Variants in COL4A3 observed in about 807,000 individuals in gnomAD.
COL4A3 encodes the protein collagen alpha-3(IV) chain.
Under a neutral mutation model 217.4 loss-of-function variants are expected in COL4A3, and 135 were observed. The observed-to-expected ratio is 0.62, with a 90% CI of 0.54 to 0.72. COL4A3 has a LOEUF of 0.72. Ranked by LOEUF, COL4A3 falls within the 30% of genes least tolerant of loss-of-function variation. The pLI is 0.00. For synonymous variants in COL4A3, 690 were observed against 736.3 expected, an observed-to-expected ratio of 0.94 and a Z score of 1.02; for missense variants, 1,868 against 2,119.9, an observed-to-expected ratio of 0.88 and a Z score of 2.33.
intron 37 of COL4A3, among the ~76,000 whole-genome samples, chr2:227,291,846 A>G (rs1443962793): frequency 6.6e-6 from 1 of 152,212 alleles, no homozygotes; most frequent in African/African-American, 2.4e-5. Flanking sequence ...AGATGTTTCA[A>G]TAGGGCTTGG....
At chr2:227,269,819 A>G (rs963989574) in intron 23 of COL4A3, 91 bp from the exon 24 acceptor site, 2 of 1,082,704 alleles carry the variant, frequency 1.8e-6, no homozygotes, top group East Asian at 5.0e-5. Flanking sequence ...CCCCACAAGG[A>G]AACACTCTAT....
At chr2:227,244,428 C>T (rs1026769884) in intron 4 of COL4A3, 64 bp downstream of exon 4, 1 of 1,467,240 alleles carries the variant, frequency 6.8e-7, no homozygotes, top group Non-Finnish European at 9.5e-7. Context: ...AAGAGTTATA[C>T]AAATGTCAGA....
intron 1 of COL4A3, among the ~76,000 whole-genome samples, chr2:227,201,102 AT>A (rs141079937): frequency 0.14 from 21,827 of 152,166 alleles, 1,699 homozygotes; most frequent in Non-Finnish European, 0.17. Flanking sequence ...ATTTATTCTT[AT>A]TAGGTTATGT....
chr2:227,249,869 T>A (rs1377385474), intron 9 of COL4A3, among the ~76,000 whole-genome samples: 5 of 152,222 alleles, frequency 3.3e-5, no homozygotes, highest in African/African-American at 1.2e-4. Flanking sequence ...TAAATGTGTA[T>A]TGATTATCGT....
intron 1 of COL4A3, among the ~76,000 whole-genome samples, chr2:227,211,649 TTTTATTTA>T (rs71036166): frequency 0.077 from 11,508 of 150,046 alleles, 649 homozygotes; most frequent in Admixed American, 0.13. Flanking sequence ...TCAGACTTGA[TTTTATTTA>T]TTTATTTATT....
chr2:227,266,959 C>G, intron 22 of COL4A3, 34 bp from the exon 23 acceptor site: 1 of 1,448,960 alleles, frequency 6.9e-7, no homozygotes, highest in Non-Finnish European at 9.7e-7. Context: ...CTCAATGTAG[C>G]TTTTTAAGTA....
intron 51 of COL4A3, 79 bp downstream of exon 51, chr2:227,311,027 G>C: frequency 6.7e-7 from 1 of 1,493,858 alleles, no homozygotes; most frequent in Non-Finnish European, 9.3e-7. Context: ...TTGGGTCAAC[G>C]AGTAGCCATG....
chr2:227,245,101 C>T, intron 5 of COL4A3, 106 bp downstream of exon 5: 1 of 1,121,424 alleles, frequency 8.9e-7, no homozygotes. Flanking sequence ...GCATTTGTTA[C>T]ATGAAGAAAA....
intron 47 of COL4A3, 35 bp from the exon 48 acceptor site, chr2:227,307,675 T>C: frequency 6.4e-7 from 1 of 1,557,460 alleles, no homozygotes; most frequent in Non-Finnish European, 8.9e-7. Context: ...AAGATTTTTG[T>C]GTATGTTGCA....
chr2:227,305,845 C>T (rs1404915395), intron 47 of COL4A3, among the ~76,000 whole-genome samples: 1 of 152,096 alleles, frequency 6.6e-6, no homozygotes, highest in Non-Finnish European at 1.5e-5. Context: ...CCTCGATATC[C>T]AAATCTTCTA....
intron 44 of COL4A3, 122 bp from the exon 45 acceptor site, chr2:227,303,737 C>A: frequency 1.1e-6 from 1 of 943,842 alleles, no homozygotes; most frequent in Admixed American, 1.9e-5. Flanking sequence ...TGTGACAGAA[C>A]CCATAGGACA....
At position 227,169,500 on chromosome 2, in the gene COL4A3, C is replaced by T. The variant is rs577770753; in HGVS notation, c.87+4687C>T. Among the ~76,000 whole-genome samples the T allele has an allele frequency of 4.0e-3, 613 of 151,502 alleles. 4 individuals are homozygous for T. Among genetic ancestry groups the T allele is most frequent in the Non-Finnish European group, 5.8e-3 (390 of 67,774 alleles). ...CACAATGGTTGAACTAGTTTACAGT[C>T]CCACCAACAGTGTAAAAGTGTTCCT... is the stretch of plus-strand genomic sequence containing the variant. On this transcript the variant is annotated intron_variant, in intron 1 of 51. Coordinates refer to ENST00000396578, the MANE Select transcript of COL4A3 (RefSeq NM_000091.5).
In COL4A3 at chr2:227,211,182, G is replaced by T. The variant is rs960256043; in HGVS notation, c.88-26786G>T. ...CACACTTCTATTTTTTGTATTTTTA[G>T]TAGAGACTGGGTTTCACCATGTTGG... On this transcript the variant is annotated intron_variant, in intron 1 of 51. Coordinates refer to ENST00000396578, the MANE Select transcript of COL4A3 (RefSeq NM_000091.5). Among the ~76,000 whole-genome samples the T allele has an allele frequency of 9.9e-5, 15 of 152,260 alleles. No homozygotes were observed. The East Asian group carries it at 2.9e-3, about 29-fold the overall frequency.
intron 17 of COL4A3, 46 bp from the exon 18 acceptor site, chr2:227,257,557 A>G: frequency 6.6e-7 from 1 of 1,517,294 alleles, no homozygotes; most frequent in South Asian, 1.1e-5. Context: ...ATATGTAAAT[A>G]CTTTGGGTGA....
At position 227,282,308 on chromosome 2, in the gene COL4A3, A is replaced by G; in HGVS notation, c.2489-57A>G. On this transcript the variant is annotated intron_variant, in intron 31 of 51. Transcript: ENST00000396578. This position sits in a 1 kb window ranked among gnomAD's most constrained non-coding sequence, Gnocchi z 4.4. ...TATATATATATATATATATTTCTGA[A>G]GTTAGTAGGGGAAAGCATTTGTGGG... is the stretch of plus-strand genomic sequence containing the variant. 1 of 1,046,290 alleles carries G rather than the reference A, an allele frequency of 9.6e-7. No homozygotes were observed. Among genetic ancestry groups the G allele is most frequent in the South Asian group, 1.3e-5 (1 of 78,440 alleles). The allele number at this position is 1,046,290 out of a possible 1,614,324, so 64.8% of individuals were successfully genotyped here. A position where few individuals can be genotyped will look rare whatever the true frequency, so the allele number is the denominator to read the frequency against.
At chr2:227,187,567 T>G (rs944740320) in intron 1 of COL4A3, among the ~76,000 whole-genome samples, 1 of 152,140 alleles carries the variant, frequency 6.6e-6, no homozygotes, top group African/African-American at 2.4e-5. Flanking sequence ...AATAATTGGA[T>G]AAATAGGAAG....
chr2:227,245,933 T>A (rs1238838159), intron 5 of COL4A3, 21 bp from the exon 6 acceptor site: 1 of 1,608,676 alleles, frequency 6.2e-7, no homozygotes, highest in East Asian at 2.2e-5. Flanking sequence ...CCCTCCTCAT[T>A]GAGACTTGTT....
At chr2:227,298,855 C>G in intron 43 of COL4A3, 43 bp downstream of exon 43, 1 of 1,556,664 alleles carries the variant, frequency 6.4e-7, no homozygotes, top group Non-Finnish European at 8.8e-7. Context: ...AATTCAATAT[C>G]AACTTATAAT....
chr2:227,226,858 A>G (rs56144414), intron 1 of COL4A3, among the ~76,000 whole-genome samples: 35,231 of 152,176 alleles, frequency 0.23, 4,577 homozygotes, highest in Non-Finnish European at 0.3. Flanking sequence ...AGCTTTTCCC[A>G]TAAAGAGCCA....
Sources: allele counts gnomAD v4.1 joint callset (sites outside exome capture counted in the v4.1 genomes callset), GRCh38; gene constraint gnomAD v4.1.1; non-coding constraint Gnocchi (gnomAD v3.1); transcripts MANE v1.5; gene names NCBI Gene and HGNC (gene_info 2026-07-23, HGNC 2026-07-21).